RNF123: variants seen among roughly 807,000 people sequenced by gnomAD.
RNF123 encodes ring finger protein 123, also known as E3 ubiquitin-protein ligase RNF123.
Under a neutral mutation model 168.5 loss-of-function variants are expected in RNF123, and 86 were observed. The observed-to-expected ratio is 0.51, with a 90% CI of 0.43 to 0.61. The LOEUF (loss-of-function observed/expected upper bound fraction) is 0.61, where lower values mean the gene tolerates loss of function less well. Among genes scored for constraint, RNF123 ranks in the 20% least tolerant of loss-of-function variants. The pLI is 0.00. For synonymous variants in RNF123, 666 were observed against 689.1 expected, an observed-to-expected ratio of 0.97 and a Z score of 0.52; for missense variants, 1,419 against 1,729.7, an observed-to-expected ratio of 0.82 and a Z score of 3.19.
intron 35 of RNF123, chr3:49,718,767 G>A: frequency 6.2e-7 from 1 of 1,613,302 alleles, no homozygotes; most frequent in Non-Finnish European, 8.5e-7. Flanking sequence ...GCTGGTGCCA[G>A]CGCTGTAGCA....
In RNF123 at chr3:49,716,462, G is replaced by A. The variant is rs749935944; in HGVS notation, c.3485G>A (p.Arg1162His). The A allele has an allele frequency of 1.5e-5, 24 of 1,613,856 alleles. No homozygotes were observed. The highest frequency in any genetic ancestry group is 3.3e-5 in the South Asian group (3 of 91,084). The change falls in exon 35 of 39, where the codon CGT (arginine) becomes CAT (histidine). Residue 1162 changes from arginine (R) to histidine (H), a missense_variant. Coordinates refer to ENST00000327697, the MANE Select transcript of RNF123 (RefSeq NM_022064.5). ...GGCATCCTGGTGCAGCTCCTGGTGC[G>A]TGGCCCAGCCTCAGAGTGAGTGTTG... The part of the protein sequence containing the change: ...VTGILVQLLV[R>H]GPASEREQAT...
rs1037497161 is a variant in RNF123 at position 49,716,531 on chromosome 3, G to T, written c.3500+54G>T. On this transcript the variant is annotated intron_variant, in intron 35 of 38. Coordinates refer to ENST00000327697, the MANE Select transcript of RNF123 (RefSeq NM_022064.5). ...GGGAGTTGGGTGTGTCTGGTGAGGA[G>T]GGGCTGGACAGGGCCTCCTGGTACT... 8.8e-6 allele frequency: 13 copies of T among 1,484,074 alleles called. No homozygotes were observed. In the Admixed American group the frequency reaches 2.3e-4, roughly 27 times the overall value. 91.9% of individuals were successfully genotyped at this position (1,484,074 alleles called of 1,614,324 possible).
intron 7 of RNF123, 93 bp from the exon 8 acceptor site, chr3:49,698,347 G>A: frequency 1.8e-6 from 2 of 1,113,818 alleles, no homozygotes; most frequent in Non-Finnish European, 2.7e-6. Context: ...GTTCCCTTCT[G>A]TAGAGCCATA....
intron 35 of RNF123, chr3:49,718,081 C>T (rs766967221): frequency 6.2e-7 from 1 of 1,613,482 alleles, no homozygotes; most frequent in African/African-American, 1.3e-5. Context: ...ATTGAGGCCC[C>T]TCCGGCCTGG....
At chr3:49,709,211 A>G (rs1419430011) in intron 26 of RNF123, among the ~76,000 whole-genome samples, 1 of 151,844 alleles carries the variant, frequency 6.6e-6, no homozygotes, top group African/African-American at 2.4e-5. Flanking sequence ...GGCTCACGGC[A>G]GCCTCTGCCT....
chr3:49,714,128 TCTG>T lies in RNF123; in HGVS notation c.2968_2970del (p.Leu990del). On this transcript the variant is annotated inframe_deletion, in exon 31 of 39. Transcript: ENST00000327697. ...GGTACCGCTATACACGGCTGCCACA[TCTG>T]CTGAAAACCAAACTTGAGGACGCCA... The T allele has an allele frequency of 6.2e-7, 1 of 1,614,112 alleles. No individual in the cohort carries two copies. The highest frequency in any genetic ancestry group is 1.1e-5 in the South Asian group (1 of 91,080).
At chr3:49,711,987 G>A (rs567841120) in intron 26 of RNF123, among the ~76,000 whole-genome samples, 96 of 152,228 alleles carry the variant, frequency 6.3e-4, no homozygotes, top group African/African-American at 2.1e-3. Flanking sequence ...CTTGCTTACA[G>A]GCTGAGGCAG....
At chr3:49,709,392 C>T (rs1482183604) in intron 26 of RNF123, among the ~76,000 whole-genome samples, 4 of 151,968 alleles carry the variant, frequency 2.6e-5, no homozygotes, top group African/African-American at 4.8e-5. Context: ...GCTCCGCCTC[C>T]CGGGTTCACA....
At position 49,702,546 on chromosome 3, in the gene RNF123, C is replaced by T. The variant is rs1559676801; in HGVS notation, c.1630-87C>T. 3.1e-6 allele frequency: 5 copies of T among 1,610,220 alleles called. No individual in the cohort carries two copies. In the South Asian group the frequency reaches 5.5e-5, roughly 18 times the overall value. ...CTGCTGCTTTTCCCTCCCTGCTTAA[C>T]CCTCGACCCTCAGGCAGGGCCTTGG... On this transcript the variant is annotated intron_variant, in intron 19 of 38. Transcript: ENST00000327697.
At position 49,713,838 on chromosome 3, in the gene RNF123, TG is replaced by T; in HGVS notation, c.2837+19del. ...TCCCCGAGGAGCAGTGAGTGGGGCC[TG>T]GGGGGCACACACCCTGGCCACAAGC... On this transcript the variant is annotated intron_variant, in intron 29 of 38. Transcript: ENST00000327697. The T allele has an allele frequency of 6.2e-7, 1 of 1,613,004 alleles. No individual in the cohort carries two copies. The highest frequency in any genetic ancestry group is 8.5e-7 in the Non-Finnish European group (1 of 1,179,720).
chr3:49,720,470 C>A, intron 35 of RNF123, 41 bp from the exon 36 acceptor site: 1 of 1,512,294 alleles, frequency 6.6e-7, no homozygotes, highest in Non-Finnish European at 8.9e-7. Flanking sequence ...TTTAGCCAGG[C>A]CCCAAGCCTT....
At chr3:49,718,263 G>C in intron 35 of RNF123, 7 of 1,612,766 alleles carry the variant, frequency 4.3e-6, no homozygotes, top group Non-Finnish European at 5.9e-6. Context: ...GGGCGAACAG[G>C]TAGAGCAGCA....
Position 49,699,805 on chromosome 3 carries a change from G to A in RNF123, c.984+33G>A. On this transcript the variant is annotated intron_variant, in intron 12 of 38. Coordinates refer to ENST00000327697, the MANE Select transcript of RNF123 (RefSeq NM_022064.5). The surrounding 1 kb of genome is among the most constrained non-coding windows in gnomAD (Gnocchi z 4.8). Reference sequence around the variant, plus strand: ...GCATTGGGAGGGGCATGGGAGGGGAGGAGACAGGCCATGCTAGACACGCCC... The same window carrying A: ...GCATTGGGAGGGGCATGGGAGGGGAAGAGACAGGCCATGCTAGACACGCCC... 1.3e-6 allele frequency: 2 copies of A among 1,593,496 alleles called. No individual in the cohort carries two copies. The highest frequency in any genetic ancestry group is 1.7e-6 in the Non-Finnish European group (2 of 1,163,168).
At chr3:49,716,534 G>A (rs1575540893) in intron 35 of RNF123, 57 bp downstream of exon 35, 1 of 1,379,756 alleles carries the variant, frequency 7.2e-7, no homozygotes, top group African/African-American at 1.4e-5. Flanking sequence ...GTGAGGAGGG[G>A]CTGGACAGGG....
intron 35 of RNF123, chr3:49,719,196 C>T (rs780867780): frequency 1.2e-6 from 2 of 1,613,240 alleles, no homozygotes; most frequent in African/African-American, 2.7e-5. Context: ...GGTCTAGGTG[C>T]AGGGCGCGCA....
intron 35 of RNF123, chr3:49,719,014 T>C: frequency 6.2e-7 from 1 of 1,613,870 alleles, no homozygotes; most frequent in African/African-American, 1.3e-5. Flanking sequence ...GTGGAAGGCA[T>C]GCTCGTCCAA....
chr3:49,720,331 A>G, intron 35 of RNF123, 180 bp from the exon 36 acceptor site: 1 of 507,094 alleles, frequency 2.0e-6, no homozygotes, highest in Non-Finnish European at 3.2e-6. Context: ...AAAAAAAAAA[A>G]AACAGGCTGT....
chr3:49,698,926 A>AG, intron 9 of RNF123, 54 bp from the exon 10 acceptor site: 2 of 1,608,522 alleles, frequency 1.2e-6, no homozygotes, highest in Non-Finnish European at 1.7e-6. Flanking sequence ...TGATAGCCTG[A>AG]GGGTGGGCAG....
chr3:49,714,049 C>T lies in RNF123; in HGVS notation c.2926-41C>T, dbSNP rs543259428. 156 of 1,613,358 alleles carry T rather than the reference C, an allele frequency of 9.7e-5. 1 individual carries two copies. In the South Asian group the frequency reaches 1.4e-3, roughly 15 times the overall value. On this transcript the variant is annotated intron_variant, in intron 30 of 38. Coordinates refer to ENST00000327697, the MANE Select transcript of RNF123 (RefSeq NM_022064.5). ...TGAGGCTGGCTGGAGGGAGAGGGTGCGCTGTCCCATTGACCTGGGCACTGA... is the reference window on the plus strand; with the variant it reads ...TGAGGCTGGCTGGAGGGAGAGGGTGTGCTGTCCCATTGACCTGGGCACTGA...
Sources: allele counts gnomAD v4.1 joint callset (sites outside exome capture counted in the v4.1 genomes callset), GRCh38; gene constraint gnomAD v4.1.1; non-coding constraint Gnocchi (gnomAD v3.1); transcripts MANE v1.5; gene names NCBI Gene and HGNC (gene_info 2026-07-23, HGNC 2026-07-21).